Variants in SLC24A2 observed in about 807,000 individuals in gnomAD.
SLC24A2 encodes the protein sodium/potassium/calcium exchanger 2.
SLC24A2 carries 36 observed loss-of-function variants against 62.0 expected under a neutral mutation model. The observed-to-expected ratio is 0.58, with a 90% confidence interval of 0.44 to 0.77. The LOEUF is 0.77. Among genes scored for constraint, SLC24A2 ranks in the 30% least tolerant of loss-of-function variants. The pLI, the probability that SLC24A2 is intolerant of heterozygous loss-of-function variation, is 0.00. For missense variants in SLC24A2, 846 were observed against 817.9 expected (o/e 1.03, Z -0.42); for synonymous variants, 358 against 294.0 (o/e 1.22, Z -2.23).
chr9:20,055,146 A>G, the SLC24A2 span, among the ~76,000 whole-genome samples: 1 of 152,086 alleles, frequency 6.6e-6, no homozygotes, highest in East Asian at 1.9e-4. Flanking sequence ...CCTTCCATCC[A>G]CCTACACATC....
At chr9:19,763,606 G>A (rs1254536290) in intron 2 of SLC24A2, among the ~76,000 whole-genome samples, 1 of 152,178 alleles carries the variant, frequency 6.6e-6, no homozygotes, top group Admixed American at 6.5e-5. Flanking sequence ...TTATGTGATG[G>A]ATTATGTTTA....
intron 8 of SLC24A2, among the ~76,000 whole-genome samples, chr9:19,543,527 G>A (rs1459491865): frequency 2.6e-5 from 4 of 152,050 alleles, no homozygotes; most frequent in South Asian, 4.2e-4. Context: ...TGATGTTAGG[G>A]TGTCGATTTT....
At chr9:20,110,223 G>C in the SLC24A2 span, among the ~76,000 whole-genome samples, 1 of 151,532 alleles carries the variant, frequency 6.6e-6, no homozygotes, top group Non-Finnish European at 1.5e-5. Context: ...CTAAACATAA[G>C]GTCACCATAT....
rs1823185415 is a variant in SLC24A2, at chr9:19,786,704, A to C, written c.163T>G (p.Ser55Ala). The change falls in exon 2 of 11, where the codon TCA (serine) becomes GCA (alanine). Residue 55 changes from serine to alanine, a missense_variant. Ser to Ala is a moderately conservative substitution (Grantham distance 99). Transcript: ENST00000341998. This position sits in a 1 kb window ranked among gnomAD's most constrained non-coding sequence, Gnocchi z 5.0. Reference protein sequence around the residue: ...GLVAISTVSFSISAFSETDTQ... With the variant: ...GLVAISTVSFAISAFSETDTQ... The stretch of plus-strand genomic sequence containing the variant: ...TCTGTCTCAGAAAAGGCACTGATTG[A>C]AAATGAGACAGTGCTAATGGCTACC... 1.9e-6 allele frequency: 3 copies of C among 1,611,820 alleles called. No individual in the cohort carries two copies. The highest frequency in any genetic ancestry group is 2.5e-6 in the Non-Finnish European group (3 of 1,178,586).
the SLC24A2 span, among the ~76,000 whole-genome samples, chr9:19,827,555 T>A: frequency 2.0e-5 from 3 of 152,138 alleles, no homozygotes; most frequent in East Asian, 5.8e-4. Flanking sequence ...CTCTAAGATG[T>A]ACATTTTCAT....
chr9:19,634,614 C>T (rs553009974), intron 2 of SLC24A2, among the ~76,000 whole-genome samples: 1 of 152,276 alleles, frequency 6.6e-6, no homozygotes, highest in Admixed American at 6.5e-5. Flanking sequence ...AATGACTTTA[C>T]TTGCCTGCTC....
chr9:19,629,421 T>G (rs1162792094), intron 2 of SLC24A2, among the ~76,000 whole-genome samples: 1 of 152,188 alleles, frequency 6.6e-6, no homozygotes, highest in African/African-American at 2.4e-5. Context: ...TGTGTTTATT[T>G]TGTACAAAAA....
the SLC24A2 span, among the ~76,000 whole-genome samples, chr9:19,954,903 T>G: frequency 6.6e-6 from 1 of 152,146 alleles, no homozygotes; most frequent in Non-Finnish European, 1.5e-5. Flanking sequence ...ATCAGCAAAC[T>G]GACATCTAAG....
intron 2 of SLC24A2, among the ~76,000 whole-genome samples, chr9:19,666,461 T>C (rs559886923): frequency 6.6e-6 from 1 of 152,168 alleles, no homozygotes; most frequent in African/African-American, 2.4e-5. Flanking sequence ...ATTTCCTCAA[T>C]TGAATGTGGG....
At chr9:19,596,940 C>T (rs185077306) in intron 5 of SLC24A2, among the ~76,000 whole-genome samples, 21 of 152,180 alleles carry the variant, frequency 1.4e-4, no homozygotes, top group South Asian at 1.0e-3. Flanking sequence ...AAAGTACTGG[C>T]GCAGTGGGTA....
At chr9:19,544,713 T>A (rs1434886336) in intron 8 of SLC24A2, among the ~76,000 whole-genome samples, 1 of 152,162 alleles carries the variant, frequency 6.6e-6, no homozygotes, top group African/African-American at 2.4e-5. Flanking sequence ...GGATATGAAA[T>A]TCTGGGTTGA....
the SLC24A2 span, among the ~76,000 whole-genome samples, chr9:19,864,201 A>G: frequency 7.9e-5 from 12 of 152,126 alleles, no homozygotes; most frequent in East Asian, 2.3e-3. Context: ...AAGTCTTCCA[A>G]TAAAGAAAAG....
At chr9:20,274,535 G>T in the SLC24A2 span, among the ~76,000 whole-genome samples, 1 of 151,994 alleles carries the variant, frequency 6.6e-6, no homozygotes, top group Non-Finnish European at 1.5e-5. Flanking sequence ...TCAAACTCAG[G>T]TCTCTCTACC....
At chr9:19,947,490 C>A in the SLC24A2 span, among the ~76,000 whole-genome samples, 48,982 of 151,434 alleles carry the variant, frequency 0.32, 8,299 homozygotes, top group South Asian at 0.44. Context: ...GGAAAGAAAA[C>A]AAGAAAAGAA....
intron 2 of SLC24A2, among the ~76,000 whole-genome samples, chr9:19,660,856 G>C (rs1587113660): frequency 1.3e-5 from 2 of 152,294 alleles, no homozygotes; most frequent in South Asian, 2.1e-4. Flanking sequence ...TTATGAGACA[G>C]GTAGTGTTAT....
intron 2 of SLC24A2, among the ~76,000 whole-genome samples, chr9:19,683,373 T>A (rs1193734199): frequency 1.3e-5 from 2 of 152,104 alleles, no homozygotes; most frequent in African/African-American, 4.8e-5. Context: ...GGAGATTACA[T>A]GGATGTTGAG....
chr9:19,910,736 C>T, the SLC24A2 span, among the ~76,000 whole-genome samples: 1 of 152,032 alleles, frequency 6.6e-6, no homozygotes, highest in South Asian at 2.1e-4. Flanking sequence ...TTTCAAAGCT[C>T]TGCTTTTAGT....
the SLC24A2 span, among the ~76,000 whole-genome samples, chr9:19,856,398 G>T: frequency 6.6e-6 from 1 of 151,808 alleles, no homozygotes; most frequent in Non-Finnish European, 1.5e-5. Flanking sequence ...ATTTTGTGTT[G>T]ATTTTTTTTC....
At chr9:20,126,037 A>G in the SLC24A2 span, among the ~76,000 whole-genome samples, 45 of 152,302 alleles carry the variant, frequency 3.0e-4, no homozygotes, top group East Asian at 8.1e-3. Context: ...AAAACCAGGC[A>G]CTGTGAGTGC....
Sources: gnomAD v4.1 joint callset for allele counts (sites outside exome capture counted in the v4.1 genomes callset) on GRCh38, gnomAD v4.1.1 for gene constraint, Gnocchi (gnomAD v3.1) non-coding constraint, MANE v1.5 for transcripts, NCBI Gene and HGNC (gene_info 2026-07-23, HGNC 2026-07-21) for gene names.